The following PCDH11Y variants were observed in gnomAD, a reference collection of about 807,000 sequenced individuals.
PCDH11Y encodes the protein protocadherin-11 Y-linked.
For missense variants in PCDH11Y, 12 were observed against 224.8 expected (o/e 0.05, Z 6.05); for synonymous variants, 9 against 83.6 (o/e 0.11, Z 4.87).
chrY:5,182,123 A>G, intron 2 of PCDH11Y, among the ~76,000 whole-genome samples: 1 of 32,449 alleles, frequency 3.1e-5, no homozygotes, highest in African/African-American at 1.2e-4. Context: ...TTTTTTGTTG[A>G]TGTTGTTGTT....
chrY:5,739,855 T>G, exon 5 of PCDH11Y: 1 of 33,287 alleles, frequency 3.0e-5, no homozygotes, highest in Non-Finnish European at 7.5e-5. Flanking sequence ...GTTTTCCAGG[T>G]GCATGTGAAT....
At chrY:5,656,579 A>G in intron 4 of PCDH11Y, among the ~76,000 whole-genome samples, 1 of 31,544 alleles carries the variant, frequency 3.2e-5, no homozygotes, top group African/African-American at 1.2e-4. Context: ...AATAAAGGAC[A>G]TTGAAGAGAA....
intron 1 of PCDH11Y, among the ~76,000 whole-genome samples, chrY:5,001,588 G>C: frequency 9.2e-5 from 3 of 32,649 alleles, no homozygotes; most frequent in Admixed American, 2.7e-4. Context: ...TTTTTTTTTC[G>C]AGGAAAGTAA....
chrY:5,141,881 A>T, intron 2 of PCDH11Y, among the ~76,000 whole-genome samples: 7 of 24,853 alleles, frequency 2.8e-4, no homozygotes, highest in Non-Finnish European at 4.5e-4. Context: ...AAAATACCAA[A>T]AGCAATGGCA....
chrY:5,383,628 A>T (rs2053207522), intron 2 of PCDH11Y, among the ~76,000 whole-genome samples: 1 of 33,138 alleles, frequency 3.0e-5, no homozygotes, highest in South Asian at 6.7e-4. Context: ...CAGAATATAT[A>T]TATATTTTTG....
At chrY:5,551,893 T>C (rs2053418969) in intron 3 of PCDH11Y, among the ~76,000 whole-genome samples, 1 of 33,009 alleles carries the variant, frequency 3.0e-5, no homozygotes, top group Non-Finnish European at 7.5e-5. Context: ...TCCATAATTA[T>C]TCACTCTTCA....
downstream of PCDH11Y, among the ~76,000 whole-genome samples, chrY:5,107,869 C>G: frequency 1.5e-4 from 5 of 32,377 alleles, no homozygotes; most frequent in South Asian, 6.9e-4. Flanking sequence ...ACCATCCTGG[C>G]TAACACAGTG....
chrY:5,456,691 T>G (rs2053298678), intron 2 of PCDH11Y, among the ~76,000 whole-genome samples: 4 of 33,830 alleles, frequency 1.2e-4, no homozygotes, highest in Non-Finnish European at 7.3e-5. Context: ...TGAATGCATT[T>G]GGAGGCCATT....
At chrY:5,266,390 C>T (rs2053026156) in intron 2 of PCDH11Y, among the ~76,000 whole-genome samples, 1 of 31,728 alleles carries the variant, frequency 3.2e-5, no homozygotes, top group Non-Finnish European at 7.6e-5. Flanking sequence ...AAAAGTTAGC[C>T]GGGTTTGGTG....
intron 2 of PCDH11Y, among the ~76,000 whole-genome samples, chrY:5,220,881 G>A (rs2052953888): frequency 3.4e-5 from 1 of 29,683 alleles, no homozygotes; most frequent in Non-Finnish European, 8.0e-5. Flanking sequence ...ACCATGCCCA[G>A]CTAATTTTTG....
At chrY:5,477,204 A>G (rs1602931156) in intron 2 of PCDH11Y, among the ~76,000 whole-genome samples, 280 of 33,658 alleles carry the variant, frequency 8.3e-3, no homozygotes, top group African/African-American at 0.03. Flanking sequence ...TAGTTTATTA[A>G]GAGTTTTTAG....
At chrY:5,476,430 TAAAAAAAAAAAAA>T (rs1424925843) in intron 2 of PCDH11Y, among the ~76,000 whole-genome samples, 1 of 385 alleles carries the variant, frequency 2.6e-3, no homozygotes, top group Non-Finnish European at 6.1e-3. Context: ...GACCCTTTCT[TAAAAAAAAAAAAA>T]AAAAAAAAAA....
intron 2 of PCDH11Y, among the ~76,000 whole-genome samples, chrY:5,492,079 C>T: frequency 3.0e-5 from 1 of 33,707 alleles, no homozygotes; most frequent in Non-Finnish European, 7.3e-5. Context: ...GCATGATTAA[C>T]AAATTAACTA....
chrY:5,177,249 G>C, intron 2 of PCDH11Y, among the ~76,000 whole-genome samples: 1 of 33,433 alleles, frequency 3.0e-5, no homozygotes, highest in Non-Finnish European at 7.4e-5. Flanking sequence ...TAATCAGCTA[G>C]GAATAACAGT....
chrY:5,620,120 T>C, intron 4 of PCDH11Y, among the ~76,000 whole-genome samples: 1 of 32,128 alleles, frequency 3.1e-5, no homozygotes, highest in Non-Finnish European at 7.6e-5. Flanking sequence ...GGAGCTATTT[T>C]TTTGAAAAAA....
chrY:5,046,325 C>G, intron 3 of PCDH11Y, among the ~76,000 whole-genome samples: 1 of 33,380 alleles, frequency 3.0e-5, no homozygotes, highest in Non-Finnish European at 7.4e-5. Context: ...AGTTTTCCTC[C>G]TAACAGACAG....
At chrY:5,383,773 C>G in intron 2 of PCDH11Y, among the ~76,000 whole-genome samples, 1 of 31,769 alleles carries the variant, frequency 3.1e-5, no homozygotes, top group African/African-American at 1.2e-4. Flanking sequence ...CACGCACTGC[C>G]ATTTCCAGCT....
At chrY:5,692,873 AAT>A (rs2053569268) in intron 4 of PCDH11Y, among the ~76,000 whole-genome samples, 23 of 32,932 alleles carry the variant, frequency 7.0e-4, no homozygotes, top group African/African-American at 2.7e-3. Flanking sequence ...AAATAATAAT[AAT>A]AGAGTGTAAC....
chrY:5,046,445 C>T (rs2052639737), intron 3 of PCDH11Y, among the ~76,000 whole-genome samples: 1 of 33,709 alleles, frequency 3.0e-5, no homozygotes, highest in African/African-American at 1.2e-4. Flanking sequence ...GTCAGGGACC[C>T]ACTTGAGGAG....
Sources: allele counts gnomAD v4.1 joint callset (sites outside exome capture counted in the v4.1 genomes callset), GRCh38; gene constraint gnomAD v4.1.1; transcripts MANE v1.5; gene names NCBI Gene and HGNC (gene_info 2026-07-23, HGNC 2026-07-21).